The following STK3 variants were observed in gnomAD, a reference collection of about 807,000 sequenced individuals.
STK3 encodes serine/threonine-protein kinase 3.
A neutral mutation model predicts 58.0 loss-of-function variants in STK3; 41 were observed. That is an observed-to-expected ratio of 0.71 (90% CI 0.55 to 0.92). The LOEUF (loss-of-function observed/expected upper bound fraction) is 0.92. STK3 is among the 40% of genes least tolerant of loss of function. The pLI is 0.00. For missense variants in STK3, 479 were observed against 602.7 expected, an observed-to-expected ratio of 0.79 and a Z score of 2.15; for synonymous variants, 170 against 191.0, an observed-to-expected ratio of 0.89 and a Z score of 0.91.
chr8:98,740,843 G>T (rs1337826280), intron 4 of STK3, among the ~76,000 whole-genome samples: 2 of 152,058 alleles, frequency 1.3e-5, no homozygotes, highest in Non-Finnish European at 2.9e-5. Flanking sequence ...CTGTATTCAG[G>T]AAACCCATCT....
chr8:98,572,006 T>C (rs1275095803), intron 8 of STK3, among the ~76,000 whole-genome samples: 3 of 152,228 alleles, frequency 2.0e-5, no homozygotes, highest in Non-Finnish European at 4.4e-5. Flanking sequence ...AACATCATTC[T>C]GCTTTGAAAA....
rs578200542 is a variant in STK3 at position 98,456,045 on chromosome 8, T to C, written c.1318-45A>G. Reference sequence around the variant, plus strand: ...TACCAATACAATGAAATTATCCACATTATCCACAATCAATACAATGAAATT... The same window carrying C: ...TACCAATACAATGAAATTATCCACACTATCCACAATCAATACAATGAAATT... On this transcript the variant is annotated intron_variant, in intron 10 of 10. Coordinates refer to ENST00000419617, the MANE Select transcript of STK3 (RefSeq NM_006281.4). 7.8e-5 allele frequency: 120 copies of C among 1,530,866 alleles called. 1 individual carries two copies. In the South Asian group the frequency reaches 1.3e-3, roughly 16 times the overall value. 94.8% of individuals were successfully genotyped at this position (1,530,866 alleles called of 1,614,324 possible).
intron 3 of STK3, among the ~76,000 whole-genome samples, chr8:98,872,640 G>A (rs1373038446): frequency 1.3e-5 from 2 of 152,266 alleles, no homozygotes; most frequent in East Asian, 3.9e-4. Flanking sequence ...GGTGTTTATA[G>A]TATTCTCTGA....
At chr8:98,520,749 A>T (rs539567035) in intron 10 of STK3, among the ~76,000 whole-genome samples, 1 of 152,234 alleles carries the variant, frequency 6.6e-6, no homozygotes, top group Admixed American at 6.6e-5. Flanking sequence ...AAACCTTAGT[A>T]TGCTTTATAC....
intron 3 of STK3, among the ~76,000 whole-genome samples, chr8:98,850,621 T>C (rs1364345772): frequency 6.6e-6 from 1 of 152,118 alleles, no homozygotes; most frequent in Non-Finnish European, 1.5e-5. Flanking sequence ...ATTTCGGGTG[T>C]TGGAGCAGTA....
At chr8:98,887,654 C>T (rs1838040762) in intron 1 of STK3, among the ~76,000 whole-genome samples, 1 of 152,060 alleles carries the variant, frequency 6.6e-6, no homozygotes, top group Non-Finnish European at 1.5e-5. Flanking sequence ...AGTATGAGAC[C>T]ATAGAAATGG....
intron 6 of STK3, among the ~76,000 whole-genome samples, chr8:98,706,052 A>G (rs1412326794): frequency 6.6e-6 from 1 of 151,888 alleles, no homozygotes; most frequent in Non-Finnish European, 1.5e-5. Flanking sequence ...AGAAGAGAAA[A>G]GGCAGAAAAA....
chr8:98,574,043 C>G (rs1813187611), intron 8 of STK3, among the ~76,000 whole-genome samples: 1 of 152,068 alleles, frequency 6.6e-6, no homozygotes, highest in Non-Finnish European at 1.5e-5. Context: ...CCTACCAGGT[C>G]CCTACCATGA....
At chr8:98,349,207 A>G in the STK3 span, among the ~76,000 whole-genome samples, 1 of 152,244 alleles carries the variant, frequency 6.6e-6, no homozygotes, top group Admixed American at 6.5e-5. Context: ...GCAGAACTAC[A>G]GAGATGGTAA....
chr8:98,441,645 A>G (rs971677004), intron 1 of STK3, among the ~76,000 whole-genome samples: 3 of 152,232 alleles, frequency 2.0e-5, no homozygotes, highest in African/African-American at 7.2e-5. Flanking sequence ...TATTTGTTCA[A>G]TGCTCACTTA....
At chr8:98,535,996 G>GCTCC (rs1809729148) in intron 9 of STK3, among the ~76,000 whole-genome samples, 1 of 152,086 alleles carries the variant, frequency 6.6e-6, no homozygotes, top group Admixed American at 6.6e-5. Flanking sequence ...GCAACAGAAA[G>GCTCC]GGGAGAAGCA....
At chr8:98,840,949 C>T (rs1464248532) in intron 3 of STK3, among the ~76,000 whole-genome samples, 2 of 152,116 alleles carry the variant, frequency 1.3e-5, no homozygotes, top group African/African-American at 4.8e-5. Context: ...GTGTTTTTGG[C>T]AAGATTCAGT....
chr8:98,639,816 T>C (rs1460503256), intron 6 of STK3, among the ~76,000 whole-genome samples: 1 of 152,100 alleles, frequency 6.6e-6, no homozygotes, highest in Non-Finnish European at 1.5e-5. Context: ...TCAATTTAAA[T>C]ATTTTGGTTC....
At chr8:98,874,208 A>G (rs1417317467) in intron 3 of STK3, among the ~76,000 whole-genome samples, 1 of 152,212 alleles carries the variant, frequency 6.6e-6, no homozygotes, top group African/African-American at 2.4e-5. Flanking sequence ...CTGCCAAGAC[A>G]TCCGCTGTTA....
intron 1 of STK3, among the ~76,000 whole-genome samples, chr8:98,796,863 T>C (rs1442558860): frequency 6.6e-6 from 1 of 152,216 alleles, no homozygotes; most frequent in East Asian, 1.9e-4. Context: ...ATGCTCAACA[T>C]GACTAATCAT....
chr8:98,361,475 T>C, the STK3 span, among the ~76,000 whole-genome samples: 68 of 152,316 alleles, frequency 4.5e-4, no homozygotes, highest in Non-Finnish European at 7.4e-5. Context: ...TCCTCATCTG[T>C]GGCATGCAGG....
chr8:98,795,047 A>C (rs935578014), intron 1 of STK3, among the ~76,000 whole-genome samples: 3 of 140,028 alleles, frequency 2.1e-5, no homozygotes, highest in East Asian at 4.3e-4. Flanking sequence ...CAGCCTGCGC[A>C]ACAAGAGCCA....
chr8:98,672,332 C>T (rs915904079), intron 6 of STK3, among the ~76,000 whole-genome samples: 3 of 152,004 alleles, frequency 2.0e-5, no homozygotes, highest in African/African-American at 2.4e-5. Context: ...CAAAGAGCTA[C>T]GATCCCGCCA....
At chr8:98,415,852 G>A (rs1387015778) in intron 3 of STK3, among the ~76,000 whole-genome samples, 1 of 152,126 alleles carries the variant, frequency 6.6e-6, no homozygotes, top group African/African-American at 2.4e-5. Flanking sequence ...TATTACAAAA[G>A]CATTATTTGT....
Sources: allele counts gnomAD v4.1 joint callset (sites outside exome capture counted in the v4.1 genomes callset), GRCh38; gene constraint gnomAD v4.1.1; transcripts MANE v1.5; gene names NCBI Gene and HGNC (gene_info 2026-07-23, HGNC 2026-07-21).